The following NOS1AP variants were observed in gnomAD, a reference collection of about 807,000 sequenced individuals.
NOS1AP encodes the protein carboxyl-terminal PDZ ligand of neuronal nitric oxide synthase protein.
NOS1AP carries 21 observed loss-of-function variants against 56.2 expected under a neutral mutation model. The observed-to-expected ratio is 0.37, with a 90% confidence interval of 0.26 to 0.54. NOS1AP has a LOEUF of 0.54. Ranked by LOEUF, NOS1AP falls within the 20% of genes least tolerant of loss-of-function variation. The pLI is 0.84. For synonymous variants in NOS1AP, 270 were observed against 274.6 expected (o/e 0.98, Z 0.17); for missense variants, 522 against 657.8 (o/e 0.79, Z 2.26).
chr1:162,294,165 A>C (rs1655363131), intron 3 of NOS1AP, among the ~76,000 whole-genome samples: 1 of 147,326 alleles, frequency 6.8e-6, no homozygotes, highest in South Asian at 2.2e-4. Context: ...AGAAGGAAGG[A>C]AGGCAGGTAG....
intron 1 of NOS1AP, among the ~76,000 whole-genome samples, chr1:162,128,323 G>C (rs1288567555): frequency 1.3e-5 from 2 of 151,876 alleles, no homozygotes; most frequent in African/African-American, 2.4e-5. Context: ...CTACATTTCT[G>C]TATGCACTTG....
chr1:162,113,034 C>T (rs977060628), intron 1 of NOS1AP, among the ~76,000 whole-genome samples: 2 of 152,278 alleles, frequency 1.3e-5, no homozygotes, highest in Middle Eastern at 3.4e-3. Context: ...TGGGCTGCAT[C>T]TCTGAATAGG....
chr1:162,264,498 C>G (rs1321306294), intron 2 of NOS1AP, among the ~76,000 whole-genome samples: 1 of 126,972 alleles, frequency 7.9e-6, no homozygotes, highest in Non-Finnish European at 1.7e-5. Flanking sequence ...CTCCTCCTCT[C>G]CTCTCCTCTC....
intron 2 of NOS1AP, among the ~76,000 whole-genome samples, chr1:162,282,847 T>C (rs2101732147): frequency 6.6e-6 from 1 of 152,322 alleles, no homozygotes; most frequent in East Asian, 1.9e-4. Context: ...CTGAATCCTC[T>C]CCCCTTGGTG....
chr1:162,268,280 A>T (rs1158908874), intron 2 of NOS1AP, among the ~76,000 whole-genome samples: 1 of 146,712 alleles, frequency 6.8e-6, no homozygotes, highest in African/African-American at 2.6e-5. Context: ...AAAGATCTTA[A>T]GTCTTTATAC....
At chr1:162,329,644 C>T (rs966172974) in intron 4 of NOS1AP, among the ~76,000 whole-genome samples, 5 of 152,066 alleles carry the variant, frequency 3.3e-5, no homozygotes, top group African/African-American at 9.7e-5. Context: ...CCAATTTCTA[C>T]CACCCCCACA....
chr1:162,223,808 G>A (rs900843580), intron 2 of NOS1AP, among the ~76,000 whole-genome samples: 5 of 152,032 alleles, frequency 3.3e-5, no homozygotes, highest in Non-Finnish European at 5.9e-5. Flanking sequence ...TCTATTTGAA[G>A]GAAAAAGCCA....
intron 1 of NOS1AP, among the ~76,000 whole-genome samples, chr1:162,145,774 G>A (rs762796461): frequency 2.6e-5 from 4 of 152,166 alleles, no homozygotes; most frequent in Non-Finnish European, 4.4e-5. Context: ...CACGACCAGG[G>A]TATCAGATTT....
rs556769444 is a variant in NOS1AP, at chr1:162,328,605, C to G, written c.345-4412C>G. Among the ~76,000 whole-genome samples the G allele has an allele frequency of 3.3e-5, 5 of 152,292 alleles. No individual in the cohort carries two copies. The South Asian group carries it at 1.0e-3, about 32-fold the overall frequency. On this transcript the variant is annotated intron_variant, in intron 4 of 9. Coordinates refer to ENST00000361897, the MANE Select transcript of NOS1AP (RefSeq NM_014697.3). Reference sequence around the variant, plus strand: ...AGTGAGGTACAGCACAATGATCATACCTGTTTCACAGGTGAAGAACAAGAA... The same window carrying G: ...AGTGAGGTACAGCACAATGATCATAGCTGTTTCACAGGTGAAGAACAAGAA...
intron 1 of NOS1AP, among the ~76,000 whole-genome samples, chr1:162,101,867 A>G (rs1178495777): frequency 2.0e-5 from 3 of 152,174 alleles, no homozygotes; most frequent in Admixed American, 6.5e-5. Flanking sequence ...TTCTAGATAT[A>G]GGATCATGTC....
intron 2 of NOS1AP, among the ~76,000 whole-genome samples, chr1:162,226,233 C>T (rs1430217095): frequency 2.0e-5 from 3 of 151,916 alleles, no homozygotes; most frequent in East Asian, 1.9e-4. Flanking sequence ...GCAGAGGTTG[C>T]GGTGAGCTGA....
At chr1:162,094,308 C>T (rs552500551) in intron 1 of NOS1AP, among the ~76,000 whole-genome samples, 1 of 152,170 alleles carries the variant, frequency 6.6e-6, no homozygotes, top group Admixed American at 6.5e-5. Context: ...CATTTACTTT[C>T]ATCTTTCATC....
At chr1:162,283,085 G>A (rs879754958) in intron 2 of NOS1AP, among the ~76,000 whole-genome samples, 3 of 139,120 alleles carry the variant, frequency 2.2e-5, no homozygotes, top group Non-Finnish European at 3.1e-5. Context: ...TTGCTTGCTC[G>A]CTCTCCCTCT....
intron 3 of NOS1AP, among the ~76,000 whole-genome samples, chr1:162,295,048 C>A (rs1361117633): frequency 6.6e-6 from 1 of 152,186 alleles, no homozygotes; most frequent in Non-Finnish European, 1.5e-5. Flanking sequence ...AGGTTGAAGA[C>A]CAGCCCTGCT....
At chr1:162,278,067 A>G (rs921106499) in intron 2 of NOS1AP, among the ~76,000 whole-genome samples, 2 of 152,080 alleles carry the variant, frequency 1.3e-5, no homozygotes, top group African/African-American at 4.8e-5. Context: ...CCATTTTAGA[A>G]CTTTCCCCAT....
At chr1:162,139,875 C>CT in intron 1 of NOS1AP, among the ~76,000 whole-genome samples, 1 of 152,054 alleles carries the variant, frequency 6.6e-6, no homozygotes, top group East Asian at 1.9e-4. Flanking sequence ...GTCGCCCAGG[C>CT]TGGAGGGCAG....
At chr1:162,299,784 G>A (rs969694152) in intron 3 of NOS1AP, among the ~76,000 whole-genome samples, 7 of 151,944 alleles carry the variant, frequency 4.6e-5, no homozygotes, top group East Asian at 3.9e-4. Context: ...GTGTGTGCAC[G>A]CGCACATACG....
chr1:162,143,721 C>G (rs1649333984), intron 1 of NOS1AP, among the ~76,000 whole-genome samples: 1 of 152,158 alleles, frequency 6.6e-6, no homozygotes, highest in African/African-American at 2.4e-5. Context: ...CTCGGCCTCT[C>G]AAAGTGCTGG....
At position 162,367,317 on chromosome 1, in the gene NOS1AP, C is replaced by G; in HGVS notation, c.1371C>G (p.Phe457Leu). Residue 457 changes from phenylalanine to leucine, a missense_variant, in exon 10 of 10, where the codon TTC (phenylalanine) becomes TTG (leucine). By Grantham distance (22) the Phe-to-Leu change is conservative. Transcript: ENST00000361897. This position sits in a 1 kb window ranked among gnomAD's most constrained non-coding sequence, Gnocchi z 6.5. Reference protein sequence around the residue: ...ALLGGLELIKFRESGIASEYE... With the variant: ...ALLGGLELIKLRESGIASEYE... ...TGGGCGGTCTGGAGCTCATCAAGTT[C>G]CGAGAGTCAGGCATCGCCTCGGAGT... 6.2e-7 allele frequency: 1 copy of G among 1,613,322 alleles called. No homozygotes were observed. The highest frequency in any genetic ancestry group is 8.5e-7 in the Non-Finnish European group (1 of 1,179,934).
Sources: gnomAD v4.1 joint callset for allele counts (sites outside exome capture counted in the v4.1 genomes callset) on GRCh38, gnomAD v4.1.1 for gene constraint, Gnocchi (gnomAD v3.1) non-coding constraint, MANE v1.5 for transcripts, NCBI Gene and HGNC (gene_info 2026-07-23, HGNC 2026-07-21) for gene names.